The following HMGXB4 variants were observed in gnomAD, a reference collection of about 807,000 sequenced individuals.
The protein encoded by HMGXB4 is HMG domain-containing protein 4.
A neutral mutation model predicts 63.9 loss-of-function variants in HMGXB4; 27 were observed. That is an observed-to-expected ratio of 0.42 (90% confidence interval 0.31 to 0.58). The LOEUF (loss-of-function observed/expected upper bound fraction) is 0.58, where lower values mean the gene tolerates loss of function less well. Ranked by LOEUF, HMGXB4 falls within the 20% of genes least tolerant of loss-of-function variation. The probability of loss-of-function intolerance (pLI) is 0.13; values close to 1 mark genes in which losing one functional copy is unlikely to be tolerated. For synonymous variants in HMGXB4, 264 were observed against 265.3 expected (o/e 0.99, Z 0.05); for missense variants, 624 against 700.7 (o/e 0.89, Z 1.24).
chr22:35,263,129 G>A lies in HMGXB4; in HGVS notation c.83G>A (p.Arg28Gln), dbSNP rs772573363. ...GAGGACATAGGACTTGCAGCTGGCCGAAGCCAACGAGAGAAAAAACGTTCT... is the reference window on the plus strand; with the variant it reads ...GAGGACATAGGACTTGCAGCTGGCCAAAGCCAACGAGAGAAAAAACGTTCT... ...TFEDIGLAAG[R>Q]SQREKKRSYK... Residue 28 changes from arginine (R) to glutamine (Q), a missense_variant, in exon 3 of 11, where the codon CGA (arginine) becomes CAA (glutamine). Physicochemically the swap from Arg to Gln is conservative, Grantham distance 43. Coordinates refer to ENST00000216106, the MANE Select transcript of HMGXB4 (RefSeq NM_001003681.3). 7 of 1,613,806 alleles carry A rather than the reference G, an allele frequency of 4.3e-6. No homozygotes were observed. The highest frequency in any genetic ancestry group is 3.3e-5 in the Admixed American group (2 of 59,980).
intron 5 of HMGXB4, among the ~76,000 whole-genome samples, chr22:35,281,946 T>C (rs2146430493): frequency 6.6e-6 from 1 of 152,296 alleles, no homozygotes; most frequent in East Asian, 1.9e-4. Context: ...ACATAAGCTT[T>C]TTATTGCCAT....
At chr22:35,248,223 G>GA in the HMGXB4 span, among the ~76,000 whole-genome samples, 2 of 152,080 alleles carry the variant, frequency 1.3e-5, no homozygotes, top group African/African-American at 4.8e-5. Flanking sequence ...TTGCTACAAA[G>GA]AAATACCTGA....
intron 5 of HMGXB4, among the ~76,000 whole-genome samples, chr22:35,280,047 G>A (rs1924150748): frequency 1.3e-5 from 2 of 151,816 alleles, no homozygotes; most frequent in South Asian, 4.1e-4. Flanking sequence ...TCTCTTTTTT[G>A]TGCTCACCTG....
intron 7 of HMGXB4, 121 bp downstream of exon 7, chr22:35,286,182 A>C (rs1451717695): frequency 1.4e-6 from 1 of 713,472 alleles, no homozygotes; most frequent in African/African-American, 1.8e-5. Context: ...ACAAATCAAC[A>C]GAAAATGGTT....
chr22:35,289,052 A>C (rs1924772047), intron 9 of HMGXB4, among the ~76,000 whole-genome samples: 1 of 152,070 alleles, frequency 6.6e-6, no homozygotes, highest in Non-Finnish European at 1.5e-5. Flanking sequence ...AGGCAAGAGA[A>C]TCACTTGAAC....
chr22:35,293,278 TC>T (rs1372935084), intron 10 of HMGXB4, among the ~76,000 whole-genome samples, 164 bp downstream of exon 10: 1 of 152,222 alleles, frequency 6.6e-6, no homozygotes, highest in Admixed American at 6.5e-5. Context: ...TGCTGTACTT[TC>T]ACTGAAACTA....
intron 8 of HMGXB4, 150 bp from the exon 9 acceptor site, chr22:35,288,088 C>T (rs1157134997): frequency 2.0e-6 from 1 of 498,126 alleles, no homozygotes; most frequent in Non-Finnish European, 3.4e-6. Context: ...CCATAAAAAA[C>T]AAGAGACCAT....
rs183780196 is a variant in HMGXB4 at position 35,266,551 on chromosome 22, A to C, written c.1215+948A>C. Among the ~76,000 whole-genome samples the C allele has an allele frequency of 7.2e-3, 1,092 of 152,374 alleles. 4 individuals carry two copies. The highest frequency in any genetic ancestry group is 0.011 in the Non-Finnish European group (733 of 68,044). On this transcript the variant is annotated intron_variant, in intron 5 of 10. Transcript: ENST00000216106. ...TCACCTTGGTTTGATTTCTTTCCTC[A>C]TAACAGTTTCTGGCAGTGAACTTTA...
At chr22:35,267,246 A>T (rs1923321099) in intron 5 of HMGXB4, among the ~76,000 whole-genome samples, 2 of 151,622 alleles carry the variant, frequency 1.3e-5, no homozygotes, top group East Asian at 1.9e-4. Flanking sequence ...GCCAGGAATC[A>T]GTGTGAACAT....
intron 9 of HMGXB4, 102 bp from the exon 10 acceptor site, chr22:35,292,890 A>G: frequency 1.1e-5 from 15 of 1,371,400 alleles, no homozygotes; most frequent in African/African-American, 1.4e-5. Flanking sequence ...GTTTCAAATT[A>G]TAAGAGTAGA....
rs1278914581 is a variant in HMGXB4 at position 35,287,465 on chromosome 22, T to G, written c.1468+13T>G. ...ATGAAAGTCAAAGGTAGTGACCACA[T>G]CCCGCCCCTGCTTTTCTCTAAAGCA... is the stretch of plus-strand genomic sequence containing the variant. On this transcript the variant is annotated intron_variant, in intron 8 of 10. Transcript: ENST00000216106. The G allele has an allele frequency of 6.4e-7, 1 of 1,569,792 alleles. No homozygotes were observed.
chr22:35,260,239 C>A (rs891156771), intron 1 of HMGXB4, among the ~76,000 whole-genome samples: 1 of 152,154 alleles, frequency 6.6e-6, no homozygotes, highest in African/African-American at 2.4e-5. Context: ...CTGAAATATT[C>A]TTTGCCAAAA....
At chr22:35,278,714 T>C (rs1178076021) in intron 5 of HMGXB4, among the ~76,000 whole-genome samples, 1 of 151,290 alleles carries the variant, frequency 6.6e-6, no homozygotes, top group Non-Finnish European at 1.5e-5. Flanking sequence ...AGAGGTGCAA[T>C]CCTAGCTCAC....
rs138539203 is a variant in HMGXB4 at position 35,261,665 on chromosome 22, T to A, written c.-68-658T>A. Among the ~76,000 whole-genome samples the A allele has an allele frequency of 6.6e-5, 10 of 152,322 alleles. No homozygotes were observed. In the East Asian group the frequency reaches 1.7e-3, roughly 26 times the overall value. On this transcript the variant is annotated intron_variant, in intron 1 of 10. Transcript: ENST00000216106. ...TGATAAATGTCTCCCTATTTTCACC[T>A]AGCCTTTAAGAAAGCCTTGGTGGTG...
chr22:35,244,651 C>T, the HMGXB4 span, among the ~76,000 whole-genome samples: 1 of 152,188 alleles, frequency 6.6e-6, no homozygotes, highest in African/African-American at 2.4e-5. Flanking sequence ...CCTTTCCCAG[C>T]ATTCCACAGG....
intron 9 of HMGXB4, among the ~76,000 whole-genome samples, chr22:35,291,198 G>A (rs949661632): frequency 5.3e-4 from 81 of 151,892 alleles, no homozygotes; most frequent in African/African-American, 1.7e-3. Flanking sequence ...GGAGGTGGAG[G>A]TTGCAGTGAG....
intron 5 of HMGXB4, among the ~76,000 whole-genome samples, chr22:35,273,221 G>A (rs1433655471): frequency 6.6e-6 from 1 of 152,184 alleles, no homozygotes; most frequent in Admixed American, 6.5e-5. Context: ...GGCTCTCCTA[G>A]GCATTTTCCG....
At chr22:35,263,535 C>T (rs1161599584) in intron 3 of HMGXB4, among the ~76,000 whole-genome samples, 1 of 152,018 alleles carries the variant, frequency 6.6e-6, no homozygotes, top group African/African-American at 2.4e-5. Context: ...CACCTGCCTC[C>T]GCCTCCCAAA....
Position 35,295,731 on chromosome 22 carries a change from C to G in HMGXB4, c.*2080C>G, listed in dbSNP as rs1925225234. 6.6e-6 allele frequency: 1 copy of G among 152,436 alleles called. No individual in the cohort carries two copies. Among genetic ancestry groups the G allele is most frequent in the Non-Finnish European group, 1.5e-5 (1 of 68,000 alleles). 9.4% of individuals were successfully genotyped at this position (152,436 alleles called of 1,614,324 possible). ...TTTAAATAAATTCTAGTGGTTTGAT[C>G]CAAATCCCATTACAGTTGTATAAAG... On this transcript the variant is annotated 3_prime_UTR_variant, in exon 11 of 11. Coordinates refer to ENST00000216106, the MANE Select transcript of HMGXB4 (RefSeq NM_001003681.3).
Sources: gnomAD v4.1 joint callset for allele counts (sites outside exome capture counted in the v4.1 genomes callset) on GRCh38, gnomAD v4.1.1 for gene constraint, MANE v1.5 for transcripts, NCBI Gene and HGNC (gene_info 2026-07-23, HGNC 2026-07-21) for gene names.